Variants in PCDH9 observed in about 807,000 individuals in gnomAD.
PCDH9 encodes protocadherin 9, also known as protocadherin-9.
Under a neutral mutation model 70.6 loss-of-function variants are expected in PCDH9, and 24 were observed. That is an observed-to-expected ratio of 0.34 (90% CI 0.25 to 0.48). PCDH9 has a LOEUF of 0.48. Among genes scored for constraint, PCDH9 ranks in the 20% least tolerant of loss-of-function variants. The pLI, the probability that PCDH9 is intolerant of heterozygous loss-of-function variation, is 0.99. For missense variants in PCDH9, 1,281 were observed against 1,503.6 expected, an observed-to-expected ratio of 0.85 and a Z score of 2.45; for synonymous variants, 562 against 558.5, an observed-to-expected ratio of 1.01 and a Z score of -0.09.
chr13:67,213,313 C>T (rs930013305), intron 2 of PCDH9: 10 of 143,564 alleles, frequency 7.0e-5, no homozygotes, highest in African/African-American at 1.8e-4. Context: ...ATACATTTAG[C>T]AGTATATAAT....
intron 3 of PCDH9, among the ~76,000 whole-genome samples, chr13:66,855,631 C>G (rs1266628202): frequency 6.6e-6 from 1 of 151,800 alleles, no homozygotes; most frequent in Non-Finnish European, 1.5e-5. Context: ...TATAGCAAAC[C>G]TCTTAATTAT....
intron 4 of PCDH9, among the ~76,000 whole-genome samples, chr13:66,421,274 C>T (rs1957562399): frequency 6.6e-6 from 1 of 152,118 alleles, no homozygotes; most frequent in Non-Finnish European, 1.5e-5. Flanking sequence ...TTCAGGAGAA[C>T]TTCCCCGACC....
At position 67,010,245 on chromosome 13, in the gene PCDH9, C is replaced by T. The variant is rs926786258; in HGVS notation, c.3037-106640G>A. ...TGAACCTAGAAATGTTGATAAGTTC[C>T]TTAAAGTCCCCAGCTAGTATAGAAC... On this transcript the variant is annotated intron_variant, in intron 2 of 4. Transcript: ENST00000377865. 2.8e-4 allele frequency among the ~76,000 whole-genome samples: 43 copies of T among 151,794 alleles called. 1 individual carries two copies. The highest frequency in any genetic ancestry group is 8.8e-5 in the Non-Finnish European group (6 of 67,856).
intron 3 of PCDH9, among the ~76,000 whole-genome samples, chr13:66,710,427 T>C (rs2139128239): frequency 6.6e-6 from 1 of 152,284 alleles, no homozygotes; most frequent in African/African-American, 2.4e-5. Flanking sequence ...CTTTGCTATG[T>C]GTGTAATTTT....
chr13:66,977,152 A>T (rs987298927), intron 2 of PCDH9, among the ~76,000 whole-genome samples: 3 of 152,096 alleles, frequency 2.0e-5, no homozygotes, highest in African/African-American at 7.2e-5. Context: ...ATTAATAAAT[A>T]ATATTTTGCT....
At chr13:67,187,648 ATATT>A (rs1339615747) in intron 2 of PCDH9, among the ~76,000 whole-genome samples, 2 of 152,100 alleles carry the variant, frequency 1.3e-5, no homozygotes, top group East Asian at 3.9e-4. Flanking sequence ...TTTAGAAATC[ATATT>A]TATTTATATT....
At chr13:66,736,654 T>C (rs2079153344) in intron 3 of PCDH9, among the ~76,000 whole-genome samples, 2 of 152,264 alleles carry the variant, frequency 1.3e-5, no homozygotes, top group African/African-American at 2.4e-5. Context: ...AATTGCTTGT[T>C]CAGGCATTGA....
chr13:66,635,350 T>C (rs1168810862), intron 3 of PCDH9, among the ~76,000 whole-genome samples: 2 of 152,166 alleles, frequency 1.3e-5, no homozygotes, highest in Non-Finnish European at 2.9e-5. Flanking sequence ...TGAGAAAGAA[T>C]AGGATGAAAG....
At chr13:66,784,693 T>A (rs1223604643) in intron 3 of PCDH9, among the ~76,000 whole-genome samples, 3 of 152,172 alleles carry the variant, frequency 2.0e-5, no homozygotes, top group Non-Finnish European at 4.4e-5. Flanking sequence ...CATAAGTGTC[T>A]CCATAGATGT....
chr13:66,519,050 G>C (rs187928994), intron 4 of PCDH9, among the ~76,000 whole-genome samples: 353 of 152,164 alleles, frequency 2.3e-3, no homozygotes, highest in African/African-American at 8.2e-3. Flanking sequence ...TTATATTCGA[G>C]GCTGGGAACT....
chr13:66,816,219 T>C (rs2080602240), intron 3 of PCDH9, among the ~76,000 whole-genome samples: 1 of 152,182 alleles, frequency 6.6e-6, no homozygotes, highest in African/African-American at 2.4e-5. Context: ...CTATTCCAAA[T>C]ACATATAAAT....
rs1243956917 is a variant in PCDH9, at chr13:67,213,233, A to G, written c.3036+12172T>C. On this transcript the variant is annotated intron_variant, in intron 2 of 4. Coordinates refer to ENST00000377865, the MANE Select transcript of PCDH9 (RefSeq NM_203487.3). ...AAAAAAAAAAAAAAAAAAAAAAAAA[A>G]AAAAAGAAAAAAAAAAGCTAATAGA... The G allele has an allele frequency of 5.8e-5, 6 of 104,140 alleles. 1 individual carries two copies. Among genetic ancestry groups the G allele is most frequent in the Admixed American group, 9.8e-5 (1 of 10,214 alleles). The allele number at this position is 104,140 out of a possible 1,614,324, so 6.5% of individuals were successfully genotyped here.
intron 4 of PCDH9, among the ~76,000 whole-genome samples, chr13:66,503,261 T>C (rs774210782): frequency 6.6e-6 from 1 of 152,174 alleles, no homozygotes; most frequent in Non-Finnish European, 1.5e-5. Flanking sequence ...TACATGTCCT[T>C]ACCCTGGAAA....
At chr13:66,916,891 T>C (rs192565014) in intron 2 of PCDH9, among the ~76,000 whole-genome samples, 1 of 151,692 alleles carries the variant, frequency 6.6e-6, no homozygotes, top group East Asian at 1.9e-4. Context: ...AAAACCCATA[T>C]GCACACATAC....
At chr13:66,730,851 T>A (rs114786221) in intron 3 of PCDH9, among the ~76,000 whole-genome samples, 2,278 of 111,178 alleles carry the variant, frequency 0.02, 74 homozygotes, top group African/African-American at 0.063. Flanking sequence ...GCTGTTTTTT[T>A]GTTTTTGTTT....
intron 2 of PCDH9, among the ~76,000 whole-genome samples, chr13:67,118,484 A>C (rs1386150814): frequency 6.6e-6 from 1 of 152,162 alleles, no homozygotes; most frequent in East Asian, 1.9e-4. Context: ...TTTGGTAATA[A>C]ATTCAATCGT....
chr13:66,915,476 G>T (rs2139631076), intron 2 of PCDH9, among the ~76,000 whole-genome samples: 1 of 151,622 alleles, frequency 6.6e-6, no homozygotes, highest in Admixed American at 6.6e-5. Context: ...TTGATTACCA[G>T]GAGATCTAAG....
In PCDH9 at chr13:67,008,158, T is replaced by C. The variant is rs186547124; in HGVS notation, c.3037-104553A>G. Among the ~76,000 whole-genome samples the C allele has an allele frequency of 4.6e-3, 696 of 152,240 alleles. 2 individuals carry two copies. Among genetic ancestry groups the C allele is most frequent in the Non-Finnish European group, 8.1e-3 (552 of 67,996 alleles). On this transcript the variant is annotated intron_variant, in intron 2 of 4. Transcript: ENST00000377865. ...AACATAATAATATGGAACAAAATAA[T>C]GAAAAGTTCTCAACAAATCCTTTGT...
chr13:66,928,856 G>GA (rs1374672624), intron 2 of PCDH9, among the ~76,000 whole-genome samples: 2 of 132,472 alleles, frequency 1.5e-5, no homozygotes, highest in Admixed American at 7.9e-5. Context: ...GACATAACGA[G>GA]GGAAAAAAAA....
Sources: gnomAD v4.1 joint callset for allele counts (sites outside exome capture counted in the v4.1 genomes callset) on GRCh38, gnomAD v4.1.1 for gene constraint, MANE v1.5 for transcripts, NCBI Gene and HGNC (gene_info 2026-07-23, HGNC 2026-07-21) for gene names.